The following UBN2 variants were observed in gnomAD, a reference collection of about 807,000 sequenced individuals.
UBN2 encodes the protein ubinuclein 2.
Under a neutral mutation model 120.2 loss-of-function variants are expected in UBN2, and 35 were observed. That is an observed-to-expected ratio of 0.29 (90% CI 0.22 to 0.39). UBN2 has a LOEUF of 0.39. UBN2 is among the 10% of genes least tolerant of loss of function. The pLI, the probability that UBN2 is intolerant of heterozygous loss-of-function variation, is 1.00. For missense variants in UBN2, 1,693 were observed against 1,663.2 expected (o/e 1.02, Z -0.31); for synonymous variants, 661 against 648.7 (o/e 1.02, Z -0.29).
intron 15 of UBN2, among the ~76,000 whole-genome samples, chr7:139,285,777 C>T (rs983829139): frequency 1.3e-5 from 2 of 151,986 alleles, no homozygotes; most frequent in Non-Finnish European, 2.9e-5. Flanking sequence ...GAGTCTCGCT[C>T]TGTCGTCCAC....
At position 139,283,026 on chromosome 7, in the gene UBN2, G is replaced by A. The variant is rs893719021; in HGVS notation, c.2121G>A (p.Glu707=). 4.4e-6 allele frequency: 7 copies of A among 1,587,486 alleles called. No individual in the cohort carries two copies. Among genetic ancestry groups the A allele is most frequent in the East Asian group, 2.2e-5 (1 of 44,546 alleles). The stretch of plus-strand genomic sequence containing the variant: ...TTCCATATGATGCTTTACATTAGGA[G>A]TGTAGTCCAAAAAAGGACCAGAAAA... ...PLHSFPTMLK[E]CSPKKDQKTP... is the part of the protein sequence containing the mutation. Residue 707 remains glutamate (E), a splice_region_variant and synonymous_variant, in exon 15 of 18, where the codon GAG becomes GAA. Transcript: ENST00000473989.
At chr7:139,329,708 C>T in the UBN2 span, among the ~76,000 whole-genome samples, 3 of 151,908 alleles carry the variant, frequency 2.0e-5, no homozygotes, top group Non-Finnish European at 2.9e-5. Flanking sequence ...CGTCTTGTCC[C>T]AGTATGTTTC....
At chr7:139,281,278 T>C (rs540384651) in intron 13 of UBN2, among the ~76,000 whole-genome samples, 2 of 152,304 alleles carry the variant, frequency 1.3e-5, no homozygotes, top group South Asian at 4.1e-4. Flanking sequence ...AGCTATACTG[T>C]TAATGTGGTT....
In UBN2 at chr7:139,231,257, G is replaced by GA. The variant is rs1360232604; in HGVS notation, c.-227dup. 6.6e-6 allele frequency among the ~76,000 whole-genome samples: 1 copy of GA among 152,240 alleles called. No homozygotes were observed. Among genetic ancestry groups the GA allele is most frequent in the Non-Finnish European group, 1.5e-5 (1 of 68,050 alleles). On this transcript the variant is annotated 5_prime_UTR_variant, in exon 1 of 18. It introduces an in-frame stop codon into an upstream open reading frame of the 5' UTR. Coordinates refer to ENST00000473989, the MANE Select transcript of UBN2 (RefSeq NM_173569.4). ...GCGGCCTGCTTCTATTTATGTGGGGGATCCAACATGGCGGCCGCGGCGACC... is the reference window on the plus strand; with the variant it reads ...GCGGCCTGCTTCTATTTATGTGGGGGAATCCAACATGGCGGCCGCGGCGACC...
At chr7:139,310,728 G>A (rs577119551), downstream of UBN2, among the ~76,000 whole-genome samples, 2 of 152,172 alleles carry the variant, frequency 1.3e-5, no homozygotes, top group South Asian at 2.1e-4. Flanking sequence ...AGCCGAGATC[G>A]TGCTACTGCA....
downstream of UBN2, among the ~76,000 whole-genome samples, chr7:139,310,644 A>C (rs1451620625): frequency 6.6e-6 from 1 of 152,134 alleles, no homozygotes; most frequent in Admixed American, 6.6e-5. Context: ...ATGGTGACTC[A>C]TGTCTGTAAT....
intron 2 of UBN2, among the ~76,000 whole-genome samples, chr7:139,245,757 C>G (rs973316076): frequency 6.6e-6 from 1 of 152,088 alleles, no homozygotes; most frequent in African/African-American, 2.4e-5. Context: ...AAAATGTAGG[C>G]TGATATGAGA....
In UBN2 at chr7:139,293,740, A is replaced by G. The variant is rs574062866; in HGVS notation, c.3902-149A>G. 1.6e-5 allele frequency: 11 copies of G among 708,172 alleles called. No homozygotes were observed. The Admixed American group carries it at 2.1e-4, about 14-fold the overall frequency. 43.9% of individuals were successfully genotyped at this position (708,172 alleles called of 1,614,324 possible). On this transcript the variant is annotated intron_variant, in intron 16 of 17. Transcript: ENST00000473989. ...GTTATGTGCATACACATACATTAAC[A>G]TAAGTAAATTTTCAAAAACGTGCTC...
rs777343414 is a variant in UBN2 at position 139,231,837 on chromosome 7, A to G, written c.353A>G (p.Gln118Arg). 1.6e-5 allele frequency: 24 copies of G among 1,531,740 alleles called. No individual in the cohort carries two copies. Among genetic ancestry groups the G allele is most frequent in the Admixed American group, 1.2e-4 (6 of 51,024 alleles). 94.9% of individuals were successfully genotyped at this position (1,531,740 alleles called of 1,614,324 possible). ...PPRESASRAE[Q>R]PPRPPRETVR... is the part of the protein sequence containing the mutation. ...CGGGAGTCGGCTTCCCGGGCTGAGC[A>G]GCCGCCGCGGCCGCCGAGGGAGACG... The change falls in exon 1 of 18, where the codon CAG becomes CGG. Residue 118 changes from glutamine (Q) to arginine (R), a missense_variant. Around this residue, in one of 5 missense-constraint regions of UBN2, gnomAD observed 663 missense variants for 591.2 expected, o/e 1.12. Coordinates refer to ENST00000473989, the MANE Select transcript of UBN2 (RefSeq NM_173569.4).
chr7:139,253,834 A>G lies in UBN2; in HGVS notation c.663+1777A>G, dbSNP rs536779443. On this transcript the variant is annotated intron_variant, in intron 3 of 17. Transcript: ENST00000473989. ...AGTAATTAAGCATATACAGAAGGTG[A>G]CACTAGGTGACTATTACACTACCCA... Among the ~76,000 whole-genome samples, 11 of 152,346 alleles carry G rather than the reference A, an allele frequency of 7.2e-5. No homozygotes were observed. The East Asian group carries it at 1.9e-3, about 27-fold the overall frequency.
chr7:139,280,874 G>A (rs911610397), intron 13 of UBN2, among the ~76,000 whole-genome samples: 1 of 152,144 alleles, frequency 6.6e-6, no homozygotes, highest in African/African-American at 2.4e-5. Context: ...TCTAACTCCT[G>A]ACCTCGTGAT....
chr7:139,282,246 C>T (rs968380643), intron 14 of UBN2, among the ~76,000 whole-genome samples, 191 bp downstream of exon 14: 1 of 152,028 alleles, frequency 6.6e-6, no homozygotes, highest in Admixed American at 6.6e-5. Context: ...AATTATTTTG[C>T]TCTTTGAATA....
At chr7:139,296,796 A>G (rs1798120517) in intron 17 of UBN2, among the ~76,000 whole-genome samples, 1 of 152,234 alleles carries the variant, frequency 6.6e-6, no homozygotes, top group African/African-American at 2.4e-5. Flanking sequence ...AGGCTAAGGC[A>G]GGAGGGTCTC....
At chr7:139,243,203 A>G (rs1584987943) in intron 2 of UBN2, among the ~76,000 whole-genome samples, 1 of 152,234 alleles carries the variant, frequency 6.6e-6, no homozygotes, top group Admixed American at 6.5e-5. Flanking sequence ...TGACTCAGTA[A>G]GGAATATTCT....
intron 2 of UBN2, among the ~76,000 whole-genome samples, chr7:139,239,762 G>T (rs1174754513): frequency 4.6e-5 from 7 of 152,100 alleles, no homozygotes; most frequent in Non-Finnish European, 7.4e-5. Flanking sequence ...TCACCATGTT[G>T]GTCAGGCTGG....
intron 17 of UBN2, among the ~76,000 whole-genome samples, chr7:139,295,235 C>G (rs571474827): frequency 6.6e-6 from 1 of 152,284 alleles, no homozygotes; most frequent in South Asian, 2.1e-4. Context: ...TGAGCTGTCT[C>G]AGTCTTAACC....
chr7:139,231,677 C>T lies in UBN2; in HGVS notation c.193C>T (p.Pro65Ser). ...GCCTGCCCCCCGCTCGGACGCGCAGCCCCCGTCGCGGGAGAAGCCGCTCCC... is the reference window on the plus strand; with the variant it reads ...GCCTGCCCCCCGCTCGGACGCGCAGTCCCCGTCGCGGGAGAAGCCGCTCCC... ...REPAPRSDAQ[P>S]PSREKPLPQR... is the part of the protein sequence containing the mutation. Residue 65 changes from proline to serine, a missense_variant, in exon 1 of 18, where the codon CCC (proline) becomes TCC (serine). Transcript: ENST00000473989. 1 of 1,185,458 alleles carries T rather than the reference C, an allele frequency of 8.4e-7. No homozygotes were observed. Among genetic ancestry groups the T allele is most frequent in the East Asian group, 3.9e-5 (1 of 25,820 alleles). 73.4% of individuals were successfully genotyped at this position (1,185,458 alleles called of 1,614,324 possible).
At chr7:139,270,179 A>G (rs550375685) in intron 8 of UBN2, among the ~76,000 whole-genome samples, 3 of 152,262 alleles carry the variant, frequency 2.0e-5, no homozygotes, top group African/African-American at 2.4e-5. Context: ...CTTCATATAT[A>G]TAAAGAAATA....
intron 3 of UBN2, among the ~76,000 whole-genome samples, chr7:139,257,749 A>G (rs948025325): frequency 1.3e-5 from 2 of 152,254 alleles, no homozygotes; most frequent in African/African-American, 4.8e-5. Flanking sequence ...TCTCCACTTA[A>G]AAGCATACGG....
Sources: allele counts gnomAD v4.1 joint callset (sites outside exome capture counted in the v4.1 genomes callset), GRCh38; gene constraint gnomAD v4.1.1; regional missense constraint gnomAD v4.1.1; transcripts MANE v1.5; gene names NCBI Gene and HGNC (gene_info 2026-07-23, HGNC 2026-07-21).